The following AGBL4 variants were observed in gnomAD, a reference collection of about 807,000 sequenced individuals.
The protein encoded by AGBL4 is AGBL carboxypeptidase 4.
AGBL4 carries 58 observed loss-of-function variants against 66.4 expected under a neutral mutation model. That is an observed-to-expected ratio of 0.87 (90% CI 0.71 to 1.09). The LOEUF is 1.09. Among genes scored for constraint, AGBL4 ranks in the 50% least tolerant of loss-of-function variants. The pLI is 0.00. For synonymous variants in AGBL4, 234 were observed against 222.9 expected, an observed-to-expected ratio of 1.05 and a Z score of -0.44; for missense variants, 579 against 631.0, an observed-to-expected ratio of 0.92 and a Z score of 0.88.
intron 3 of AGBL4, among the ~76,000 whole-genome samples, chr1:49,437,119 G>C (rs1369421767): frequency 6.6e-6 from 1 of 152,124 alleles, no homozygotes; most frequent in East Asian, 1.9e-4. Flanking sequence ...GGAAGTTCAT[G>C]GGAGAGTTGG....
At chr1:49,371,815 CTCTGTGTGTGTGTGTG>C in intron 3 of AGBL4, among the ~76,000 whole-genome samples, 1 of 119,658 alleles carries the variant, frequency 8.4e-6, no homozygotes, top group South Asian at 2.9e-4. Flanking sequence ...ACTTTTCAAA[CTCTGTGTGTGTGTGTG>C]TGTGTGTGTG....
chr1:49,497,132 T>G (rs139760161), intron 3 of AGBL4, among the ~76,000 whole-genome samples: 151 of 152,174 alleles, frequency 9.9e-4, no homozygotes, highest in African/African-American at 3.5e-3. Flanking sequence ...TTAGTGAGGT[T>G]GAACATTTTT....
intron 5 of AGBL4, among the ~76,000 whole-genome samples, chr1:48,941,510 T>G (rs975914491): frequency 7.2e-5 from 11 of 152,224 alleles, no homozygotes; most frequent in Admixed American, 5.2e-4. Flanking sequence ...GATTACAAAG[T>G]GCCAGCTGAG....
chr1:49,068,402 C>A (rs1251683458), intron 4 of AGBL4, among the ~76,000 whole-genome samples: 1 of 150,794 alleles, frequency 6.6e-6, no homozygotes, highest in Non-Finnish European at 1.5e-5. Flanking sequence ...CCCAACAGGC[C>A]CCAGTGTGTG....
chr1:48,894,210 C>T (rs1036979976), intron 5 of AGBL4, among the ~76,000 whole-genome samples: 1 of 152,188 alleles, frequency 6.6e-6, no homozygotes, highest in Non-Finnish European at 1.5e-5. Context: ...TATCAAAGCA[C>T]ATTAAGAAAG....
At chr1:49,846,254 T>A in intron 2 of AGBL4, 1 of 1,468,116 alleles carries the variant, frequency 6.8e-7, no homozygotes, top group Non-Finnish European at 9.5e-7. Context: ...GTGTCACGAT[T>A]GTGGAAAGTC....
intron 4 of AGBL4, among the ~76,000 whole-genome samples, chr1:49,106,662 T>C (rs959130569): frequency 1.2e-4 from 18 of 152,174 alleles, no homozygotes; most frequent in African/African-American, 4.3e-4. Flanking sequence ...ACTAGTTTTG[T>C]TGACACTGAG....
intron 3 of AGBL4, among the ~76,000 whole-genome samples, chr1:49,254,603 G>A (rs560122059): frequency 7.4e-4 from 113 of 152,076 alleles, no homozygotes; most frequent in African/African-American, 2.6e-3. Context: ...ACCAATTTAT[G>A]GATTCAATGC....
chr1:49,125,275 A>T (rs1645742761), intron 4 of AGBL4, among the ~76,000 whole-genome samples: 1 of 151,966 alleles, frequency 6.6e-6, no homozygotes, highest in Admixed American at 6.6e-5. Context: ...GTAGGTACTT[A>T]ATATATATAT....
intron 1 of AGBL4, among the ~76,000 whole-genome samples, chr1:49,962,788 A>C (rs1177979298): frequency 6.6e-6 from 1 of 152,174 alleles, no homozygotes; most frequent in Non-Finnish European, 1.5e-5. Context: ...TGAGCCACTT[A>C]AAATCATTGA....
intron 1 of AGBL4, among the ~76,000 whole-genome samples, chr1:49,944,675 C>T (rs1403719251): frequency 6.6e-6 from 1 of 151,926 alleles, no homozygotes; most frequent in Non-Finnish European, 1.5e-5. Context: ...AAAAATTACA[C>T]TAGCTCACCA....
chr1:48,605,205 T>C (rs1645136667), intron 9 of AGBL4, among the ~76,000 whole-genome samples: 1 of 152,234 alleles, frequency 6.6e-6, no homozygotes, highest in African/African-American at 2.4e-5. Flanking sequence ...GATTCCTTTA[T>C]CTTTGGGTTT....
intron 3 of AGBL4, among the ~76,000 whole-genome samples, chr1:49,455,610 C>T (rs1443486167): frequency 6.6e-6 from 1 of 151,644 alleles, no homozygotes; most frequent in African/African-American, 2.4e-5. Flanking sequence ...CCCAAATTGA[C>T]CTCTCTATGC....
At chr1:48,894,033 T>TAC (rs1651263332) in intron 5 of AGBL4, among the ~76,000 whole-genome samples, 1 of 152,166 alleles carries the variant, frequency 6.6e-6, no homozygotes, top group Non-Finnish European at 1.5e-5. Context: ...GTCGCAAATG[T>TAC]TGGCCAACAT....
At chr1:49,557,842 G>C (rs1390737139) in intron 3 of AGBL4, among the ~76,000 whole-genome samples, 3 of 151,912 alleles carry the variant, frequency 2.0e-5, no homozygotes, top group Non-Finnish European at 4.4e-5. Context: ...CCTAACCCAA[G>C]GCTGCCGAGA....
In AGBL4 at chr1:48,532,858, C is replaced by T. The variant is rs996504813; in HGVS notation, c.*1315G>A. The T allele has an allele frequency of 1.3e-5, 2 of 152,148 alleles. No homozygotes were observed. Among genetic ancestry groups the T allele is most frequent in the African/African-American group, 4.8e-5 (2 of 41,432 alleles). The allele number at this position is 152,148 out of a possible 1,614,324, so 9.4% of individuals were successfully genotyped here. A position where few individuals can be genotyped will look rare whatever the true frequency, so the allele number is the denominator to read the frequency against. ...TGCTCAGAGGAACAGAGGAGCTGCA[C>T]AAAACACTTTATTTGTGTTCCTCTG... On this transcript the variant is annotated 3_prime_UTR_variant, in exon 14 of 14. Coordinates refer to ENST00000371839, the MANE Select transcript of AGBL4 (RefSeq NM_032785.4).
chr1:49,341,325 G>GTA (rs1378970456), intron 3 of AGBL4, among the ~76,000 whole-genome samples: 1 of 152,136 alleles, frequency 6.6e-6, no homozygotes, highest in Non-Finnish European at 1.5e-5. Flanking sequence ...GTACCAGTTG[G>GTA]CTGACTTTGG....
At chr1:49,234,332 G>A (rs1178967455) in intron 4 of AGBL4, among the ~76,000 whole-genome samples, 4 of 152,152 alleles carry the variant, frequency 2.6e-5, no homozygotes, top group African/African-American at 9.7e-5. Context: ...CTGTATATGG[G>A]CACCTAATCC....
intron 5 of AGBL4, among the ~76,000 whole-genome samples, chr1:48,955,266 TATA>T (rs1171531490): frequency 6.6e-6 from 1 of 152,172 alleles, no homozygotes; most frequent in Non-Finnish European, 1.5e-5. Context: ...TAACCACAGT[TATA>T]ATATTTTTGA....
Sources: allele counts gnomAD v4.1 joint callset (sites outside exome capture counted in the v4.1 genomes callset), GRCh38; gene constraint gnomAD v4.1.1; transcripts MANE v1.5; gene names NCBI Gene and HGNC (gene_info 2026-07-23, HGNC 2026-07-21).